Variants in GRHL3 observed in about 807,000 individuals in gnomAD.
GRHL3 encodes the protein grainyhead-like protein 3 homolog.
A neutral mutation model predicts 70.3 loss-of-function variants in GRHL3; 20 were observed. The observed-to-expected ratio is 0.28, with a 90% CI of 0.20 to 0.41. The LOEUF (loss-of-function observed/expected upper bound fraction) is 0.41. GRHL3 is among the 10% of genes least tolerant of loss of function. The probability of loss-of-function intolerance (pLI) is 1.00; values close to 1 mark genes in which losing one functional copy is unlikely to be tolerated. For synonymous variants in GRHL3, 299 were observed against 299.9 expected (o/e 1.00, Z 0.03); for missense variants, 637 against 762.3 (o/e 0.84, Z 1.94).
intron 15 of GRHL3, among the ~76,000 whole-genome samples, chr1:24,350,789 G>A (rs1387495401): frequency 1.3e-5 from 2 of 152,242 alleles, no homozygotes; most frequent in Non-Finnish European, 2.9e-5. Flanking sequence ...GACTAGGCCA[G>A]GAATAAAGCT....
At chr1:24,344,998 ACACCTGTGCCT>A in intron 12 of GRHL3, 67 bp downstream of exon 12, 1 of 1,349,508 alleles carries the variant, frequency 7.4e-7, no homozygotes, top group Non-Finnish European at 9.8e-7. Context: ...TGCCCCCTCC[ACACCTGTGCCT>A]CCGCCACACC....
At position 24,328,213 on chromosome 1, in the gene GRHL3, G is replaced by A. The variant is rs12140381; in HGVS notation, c.18-3213G>A. Among the ~76,000 whole-genome samples, 417 of 152,314 alleles carry A rather than the reference G, an allele frequency of 2.7e-3. 1 individual carries two copies. The highest frequency in any genetic ancestry group is 4.7e-3 in the Non-Finnish European group (322 of 68,012). On this transcript the variant is annotated intron_variant, in intron 1 of 15. Transcript: ENST00000361548. ...GCTTGAATGCTTTACTGTGTAGTCCGACAGCTCCAAGTTCAAGCTGAGCCT... is the reference window on the plus strand; with the variant it reads ...GCTTGAATGCTTTACTGTGTAGTCCAACAGCTCCAAGTTCAAGCTGAGCCT...
intron 3 of GRHL3, among the ~76,000 whole-genome samples, chr1:24,335,058 C>G (rs965156276): frequency 1.4e-5 from 2 of 142,684 alleles, no homozygotes; most frequent in African/African-American, 2.9e-5. Context: ...CACACACACA[C>G]ACACAGACAC....
At chr1:24,329,000 G>A (rs930701734) in intron 1 of GRHL3, among the ~76,000 whole-genome samples, 1 of 152,070 alleles carries the variant, frequency 6.6e-6, no homozygotes, top group Non-Finnish European at 1.5e-5. Flanking sequence ...GGCCACCCTG[G>A]ACTTGCTCAG....
rs114678222 is a variant in GRHL3, at chr1:24,342,974, C to T, written c.1368C>T (p.Pro456=). 8.1e-3 allele frequency: 13,113 copies of T among 1,614,098 alleles called. 70 individuals are homozygous for T. Among genetic ancestry groups the T allele is most frequent in the Middle Eastern group, 0.02 (122 of 6,062 alleles). ...LRPETDLETP[P]VLFIPNVHFS... is the part of the protein sequence containing the mutation. ...CAGAGACTGACCTGGAGACGCCACC[C>T]GTGCTGTTCATCCCCAATGTGCACT... Residue 456 remains proline, a synonymous_variant, in exon 11 of 16, where the codon CCC becomes CCT. Transcript: ENST00000361548. The surrounding 1 kb of genome is among the most constrained non-coding windows in gnomAD (Gnocchi z 4.8).
intron 1 of GRHL3, among the ~76,000 whole-genome samples, chr1:24,330,384 A>C (rs1639556114): frequency 6.6e-6 from 1 of 152,226 alleles, no homozygotes; most frequent in African/African-American, 2.4e-5. Flanking sequence ...CATCACCCTG[A>C]AGGAGCTTGA....
rs1185854007 is a variant in GRHL3, at chr1:24,354,602, G to GA, written c.*115dup. On this transcript the variant is annotated 3_prime_UTR_variant, in exon 16 of 16. Transcript: ENST00000361548. ...GCGCTGTTACTTGAATGCCTTCCCT[G>GA]AGGGAAGAGGCCCTTGAGTCACAGA... 8.8e-6 allele frequency: 6 copies of GA among 682,370 alleles called. No individual in the cohort carries two copies. In the African/African-American group the frequency reaches 1.1e-4, roughly 12 times the overall value. 42.3% of individuals were successfully genotyped at this position (682,370 alleles called of 1,614,324 possible). A position where few individuals can be genotyped will look rare whatever the true frequency, so the allele number is the denominator to read the frequency against.
At chr1:24,351,545 C>G (rs991145627) in intron 15 of GRHL3, among the ~76,000 whole-genome samples, 1 of 152,090 alleles carries the variant, frequency 6.6e-6, no homozygotes, top group Non-Finnish European at 1.5e-5. Flanking sequence ...TCTGCTTTCC[C>G]CAGACAAGCC....
intron 8 of GRHL3, among the ~76,000 whole-genome samples, chr1:24,340,240 G>A (rs1309148208): frequency 6.6e-6 from 1 of 152,240 alleles, no homozygotes. Context: ...AGCGCAGAAT[G>A]TCGCATGCAG....
chr1:24,357,410 C>T (rs950133703), downstream of GRHL3: 3 of 152,540 alleles, frequency 2.0e-5, no homozygotes, highest in African/African-American at 4.8e-5. Context: ...TCTCAACCTA[C>T]ACCTATCATT....
rs768736295 is a variant in GRHL3, at chr1:24,344,890, A to G, written c.1420-7A>G. 3.1e-6 allele frequency: 5 copies of G among 1,613,562 alleles called. No homozygotes were observed. The South Asian group carries it at 4.4e-5, about 14-fold the overall frequency. ...TGATGGAAAATGTCTTTTTCACTTC[A>G]TTGCAGGCAGCCCCCTCGGCAGGAC... On this transcript the variant is annotated splice_polypyrimidine_tract_variant and splice_region_variant and intron_variant, in intron 11 of 15. Transcript: ENST00000361548.
downstream of GRHL3, chr1:24,357,064 A>G (rs1000354744): frequency 2.8e-5 from 4 of 141,424 alleles, no homozygotes; most frequent in African/African-American, 1.0e-4. Context: ...CCCCAAAAAA[A>G]AAATCCATGG....
At position 24,337,148 on chromosome 1, in the gene GRHL3, A is replaced by G; in HGVS notation, c.683A>G (p.Lys228Arg). The G allele has an allele frequency of 6.2e-7, 1 of 1,613,270 alleles. No homozygotes were observed. Among genetic ancestry groups the G allele is most frequent in the Non-Finnish European group, 8.5e-7 (1 of 1,179,392 alleles). Residue 228 changes from lysine to arginine, a missense_variant, in exon 5 of 16, where the codon AAA becomes AGA. By Grantham distance (26) the Lys-to-Arg change is conservative. Coordinates refer to ENST00000361548, the MANE Select transcript of GRHL3 (RefSeq NM_198173.3). ...PPCPEDYPSLKSDFEYTLGSP... is the reference protein window; with the variant it reads ...PPCPEDYPSLRSDFEYTLGSP... ...TGTCCAGAGGACTACCCCAGCCTCA[A>G]AAGGTAACTTGGTCTCCCTGGACCC...
chr1:24,322,257 C>T lies in GRHL3; in HGVS notation c.17+2689C>T, dbSNP rs1036171594. ...CCCCACCGCTGCCGCCTGGAGTCTC[C>T]CCTCAGCCTCGCAGAGACGCGACTC... On this transcript the variant is annotated intron_variant, in intron 1 of 15. Coordinates refer to ENST00000361548, the MANE Select transcript of GRHL3 (RefSeq NM_198173.3). The surrounding 1 kb of genome is among the most constrained non-coding windows in gnomAD (Gnocchi z 4.4). Among the ~76,000 whole-genome samples the T allele has an allele frequency of 1.1e-4, 16 of 152,172 alleles. No homozygotes were observed. Among genetic ancestry groups the T allele is most frequent in the African/African-American group, 3.9e-4 (16 of 41,460 alleles).
At chr1:24,346,863 C>T (rs1367886877) in intron 13 of GRHL3, among the ~76,000 whole-genome samples, 2 of 152,182 alleles carry the variant, frequency 1.3e-5, no homozygotes, top group Non-Finnish European at 2.9e-5. Context: ...CTCGTGTGGA[C>T]GTGGGAGTCC....
chr1:24,345,736 A>G (rs771198815), intron 12 of GRHL3, among the ~76,000 whole-genome samples: 1 of 152,200 alleles, frequency 6.6e-6, no homozygotes, highest in African/African-American at 2.4e-5. Context: ...TGTCAGTCAC[A>G]GCCTTAGTGC....
chr1:24,339,751 G>C lies in GRHL3; in HGVS notation c.1036G>C (p.Glu346Gln). 6.2e-7 allele frequency: 1 copy of C among 1,611,522 alleles called. No individual in the cohort carries two copies. Among genetic ancestry groups the C allele is most frequent in the Non-Finnish European group, 8.5e-7 (1 of 1,177,872 alleles). The change falls in exon 8 of 16, where the codon GAA becomes CAA. Residue 346 changes from glutamate (E) to glutamine (Q), a missense_variant. Coordinates refer to ENST00000361548, the MANE Select transcript of GRHL3 (RefSeq NM_198173.3). ...ACTGTCCTTTGTGTGGAACGTGAAT[G>C]AAGAGGCCAAGGTCAGTGCTGAGGG... ...NALSFVWNVN[E>Q]EAKVFIGVNC...
chr1:24,331,610 A>C lies in GRHL3; in HGVS notation c.202A>C (p.Met68Leu). 6.2e-7 allele frequency: 1 copy of C among 1,612,478 alleles called. No individual in the cohort carries two copies. The part of the protein sequence containing the change: ...AALSFLYDYY[M>L]GPKEKRILSS... The stretch of plus-strand genomic sequence containing the variant: ...CTTGAGCTTCCTCTATGATTACTAC[A>C]TGGTACGTCTACCCCCTCTGGACAT... Residue 68 changes from methionine (M) to leucine (L), a missense_variant and splice_region_variant, in exon 2 of 16, where the codon ATG becomes CTG. Met to Leu is a conservative substitution (Grantham distance 15). This residue lies in a region of GRHL3 where 250 missense variants were observed against 248.6 expected (regional missense o/e 1.01). Coordinates refer to ENST00000361548, the MANE Select transcript of GRHL3 (RefSeq NM_198173.3).
At chr1:24,332,148 C>A (rs2148652478) in intron 2 of GRHL3, among the ~76,000 whole-genome samples, 1 of 152,308 alleles carries the variant, frequency 6.6e-6, no homozygotes, top group Middle Eastern at 3.4e-3. Flanking sequence ...TCATCCCAAC[C>A]TACCTGGTAC....
Sources: allele counts gnomAD v4.1 joint callset (sites outside exome capture counted in the v4.1 genomes callset), GRCh38; gene constraint gnomAD v4.1.1; regional missense constraint gnomAD v4.1.1; non-coding constraint Gnocchi (gnomAD v3.1); transcripts MANE v1.5; gene names NCBI Gene and HGNC (gene_info 2026-07-23, HGNC 2026-07-21).